Variants in NAALADL2 observed in about 807,000 individuals in gnomAD.
NAALADL2 encodes inactive N-acetylated-alpha-linked acidic dipeptidase-like protein 2.
In NAALADL2, 76 loss-of-function variants were observed where a neutral mutation model predicts 87.2. The ratio of observed to expected loss-of-function variants is 0.87; its 90% confidence interval spans 0.72 to 1.05. The LOEUF (loss-of-function observed/expected upper bound fraction) is 1.05, where lower values mean the gene tolerates loss of function less well. Ranked by LOEUF, NAALADL2 falls within the 50% of genes least tolerant of loss-of-function variation. The pLI, the probability that NAALADL2 is intolerant of heterozygous loss-of-function variation, is 0.00. For missense variants in NAALADL2, 1,089 were observed against 945.8 expected (o/e 1.15, Z -1.99); for synonymous variants, 354 against 331.0 (o/e 1.07, Z -0.75).
intron 5 of NAALADL2, among the ~76,000 whole-genome samples, chr3:175,384,212 G>T (rs929615587): frequency 6.6e-6 from 1 of 151,872 alleles, no homozygotes; most frequent in African/African-American, 2.4e-5. Flanking sequence ...ATTCTTTTTA[G>T]TATAATGGTA....
At chr3:174,926,052 T>C (rs1313468362) in intron 1 of NAALADL2, among the ~76,000 whole-genome samples, 1 of 152,080 alleles carries the variant, frequency 6.6e-6, no homozygotes, top group Non-Finnish European at 1.5e-5. Context: ...GAGAACTATG[T>C]GAGGAATGCA....
At chr3:175,495,480 G>C (rs1728682424) in intron 9 of NAALADL2, among the ~76,000 whole-genome samples, 1 of 151,964 alleles carries the variant, frequency 6.6e-6, no homozygotes, top group South Asian at 2.1e-4. Context: ...CTTACTTCTA[G>C]GTTGATGCAA....
At chr3:174,934,972 T>C (rs1337425022) in intron 1 of NAALADL2, among the ~76,000 whole-genome samples, 1 of 151,674 alleles carries the variant, frequency 6.6e-6, no homozygotes, top group Non-Finnish European at 1.5e-5. Context: ...AAAATACTAA[T>C]GTATTTTTAA....
chr3:175,370,807 T>C (rs770991943), intron 5 of NAALADL2, among the ~76,000 whole-genome samples: 1 of 152,168 alleles, frequency 6.6e-6, no homozygotes, highest in Non-Finnish European at 1.5e-5. Flanking sequence ...TTTTCTTTCA[T>C]TGTTTTCAAT....
rs1045988896 is a variant in NAALADL2 at position 174,606,191 on chromosome 3, G to A, written c.-115+55554G>A. ...CTGTACATCACTATCATCAAAGACCGAAAGTAGATAAAACCACAAAGATGG... is the reference window on the plus strand; with the variant it reads ...CTGTACATCACTATCATCAAAGACCAAAAGTAGATAAAACCACAAAGATGG... On this transcript the variant is annotated intron_variant, in intron 2 of 3. Transcript: ENST00000434257. 4.6e-5 allele frequency among the ~76,000 whole-genome samples: 7 copies of A among 152,202 alleles called. No individual in the cohort carries two copies. The South Asian group carries it at 1.5e-3, about 32-fold the overall frequency.
chr3:175,553,872 C>T (rs187373701), intron 9 of NAALADL2, among the ~76,000 whole-genome samples: 24 of 151,856 alleles, frequency 1.6e-4, no homozygotes, highest in Admixed American at 3.3e-4. Flanking sequence ...ATCTACCAGC[C>T]ATATTATTAC....
At chr3:174,983,827 A>T (rs930831948) in intron 1 of NAALADL2, among the ~76,000 whole-genome samples, 1 of 152,196 alleles carries the variant, frequency 6.6e-6, no homozygotes, top group Non-Finnish European at 1.5e-5. Context: ...CTGGCTGACA[A>T]GTTGTTTACT....
chr3:175,241,976 C>T (rs1014003357), intron 3 of NAALADL2, among the ~76,000 whole-genome samples: 2 of 147,062 alleles, frequency 1.4e-5, no homozygotes, highest in Non-Finnish European at 3.0e-5. Flanking sequence ...ATTCTCTTGC[C>T]TCAGCCTCCC....
intron 13 of NAALADL2, among the ~76,000 whole-genome samples, chr3:175,759,352 C>CTT (rs768277021): frequency 1.6e-4 from 22 of 139,912 alleles, no homozygotes; most frequent in Admixed American, 2.2e-4. Context: ...TCAAGAAAGA[C>CTT]TTTTTTTTTT....
chr3:175,743,747 T>TA (rs1466046442), intron 12 of NAALADL2, among the ~76,000 whole-genome samples: 1 of 152,096 alleles, frequency 6.6e-6, no homozygotes, highest in East Asian at 1.9e-4. Context: ...CAGGAGGTGG[T>TA]AGTCAGCAAG....
At chr3:175,053,630 T>C (rs1331024337) in intron 1 of NAALADL2, among the ~76,000 whole-genome samples, 1 of 152,244 alleles carries the variant, frequency 6.6e-6, no homozygotes, top group Non-Finnish European at 1.5e-5. Context: ...TTATTTTACC[T>C]ATTTCCTAAC....
chr3:175,358,028 T>C (rs1402683895), intron 5 of NAALADL2, among the ~76,000 whole-genome samples: 2 of 152,110 alleles, frequency 1.3e-5, no homozygotes, highest in Non-Finnish European at 2.9e-5. Flanking sequence ...TTATCAAATG[T>C]AGAAAAGCTC....
intron 4 of NAALADL2, among the ~76,000 whole-genome samples, chr3:175,290,708 A>G (rs1755543268): frequency 6.6e-6 from 1 of 152,180 alleles, no homozygotes; most frequent in South Asian, 2.1e-4. Context: ...CCACATGCTT[A>G]GTGTTCCAAT....
At chr3:175,611,788 A>G (rs1490958261) in intron 10 of NAALADL2, among the ~76,000 whole-genome samples, 1 of 152,168 alleles carries the variant, frequency 6.6e-6, no homozygotes, top group East Asian at 1.9e-4. Flanking sequence ...AGCATGGTAT[A>G]TAGTCTTCAG....
intron 1 of NAALADL2, among the ~76,000 whole-genome samples, chr3:174,530,155 C>G (rs1721111129): frequency 6.6e-6 from 1 of 152,094 alleles, no homozygotes; most frequent in Admixed American, 6.5e-5. Context: ...GCTTTGCTGC[C>G]TAGAAATTTC....
At chr3:175,238,747 A>T (rs1437328536) in intron 3 of NAALADL2, among the ~76,000 whole-genome samples, 1 of 152,180 alleles carries the variant, frequency 6.6e-6, no homozygotes, top group Non-Finnish European at 1.5e-5. Context: ...ATTTTTCTGT[A>T]TCACTTTAAA....
In NAALADL2 at chr3:174,786,510, ATTC is replaced by A. The variant is rs1716695417; in HGVS notation, c.-9+48767_-9+48769del. Among the ~76,000 whole-genome samples, 4 of 151,832 alleles carry A rather than the reference ATTC, an allele frequency of 2.6e-5. No homozygotes were observed. The South Asian group carries it at 8.3e-4, about 32-fold the overall frequency. ...GAGAAAAAAAAGAAAAAGTAAAATT[ATTC>A]TTGTTATTTTTGGGTAGAGAGGATG... On this transcript the variant is annotated intron_variant, in intron 3 of 3. Transcript: ENST00000434257.
chr3:175,595,197 T>C (rs1722090151), intron 10 of NAALADL2, among the ~76,000 whole-genome samples: 1 of 152,166 alleles, frequency 6.6e-6, no homozygotes. Context: ...AGGGGTCCAG[T>C]TTCATTATTC....
intron 1 of NAALADL2, among the ~76,000 whole-genome samples, chr3:174,956,775 A>G (rs983740640): frequency 2.6e-5 from 4 of 151,978 alleles, no homozygotes; most frequent in African/African-American, 7.2e-5. Flanking sequence ...TGCACTGGAG[A>G]TTGTAACAAG....
Sources: gnomAD v4.1 joint callset for allele counts (sites outside exome capture counted in the v4.1 genomes callset) on GRCh38, gnomAD v4.1.1 for gene constraint, MANE v1.5 for transcripts, NCBI Gene and HGNC (gene_info 2026-07-23, HGNC 2026-07-21) for gene names.